ZC3HAV1: variants seen among roughly 807,000 people sequenced by gnomAD.
ZC3HAV1 encodes zinc finger CCCH-type antiviral protein 1.
ZC3HAV1 carries 41 observed loss-of-function variants against 86.6 expected under a neutral mutation model. The ratio of observed to expected loss-of-function variants is 0.47; its 90% CI spans 0.37 to 0.61. The LOEUF (loss-of-function observed/expected upper bound fraction) is 0.61, where lower values mean the gene tolerates loss of function less well. Among genes scored for constraint, ZC3HAV1 ranks in the 20% least tolerant of loss-of-function variants. ZC3HAV1 has a pLI of 0.00. For synonymous variants in ZC3HAV1, 421 were observed against 432.1 expected, an observed-to-expected ratio of 0.97 and a Z score of 0.32; for missense variants, 964 against 1,141.1, an observed-to-expected ratio of 0.84 and a Z score of 2.24.
chr7:139,087,921 A>G (rs781406483), intron 2 of ZC3HAV1, among the ~76,000 whole-genome samples: 2 of 150,944 alleles, frequency 1.3e-5, no homozygotes, highest in Non-Finnish European at 2.9e-5. Context: ...AGTCCCAGAT[A>G]CTTGGGGGGC....
chr7:139,058,931 G>T (rs1440439525), intron 9 of ZC3HAV1, among the ~76,000 whole-genome samples: 1 of 152,102 alleles, frequency 6.6e-6, no homozygotes, highest in Admixed American at 6.5e-5. Flanking sequence ...GTCTGGAAGG[G>T]CCATAAAGCA....
intron 7 of ZC3HAV1, among the ~76,000 whole-genome samples, chr7:139,071,417 G>A (rs935015340): frequency 1.3e-5 from 2 of 152,118 alleles, no homozygotes; most frequent in Non-Finnish European, 2.9e-5. Context: ...GAACCTTGAT[G>A]TAACTAGAAT....
intron 6 of ZC3HAV1, among the ~76,000 whole-genome samples, chr7:139,075,834 C>T (rs1816925789): frequency 6.6e-6 from 1 of 152,122 alleles, no homozygotes; most frequent in Admixed American, 6.5e-5. Context: ...CAACAAAATT[C>T]TACAGTAAAA....
rs1002637746 is a variant in ZC3HAV1 at position 139,098,112 on chromosome 7, A to T, written c.309-8353T>A. 2.6e-5 allele frequency among the ~76,000 whole-genome samples: 4 copies of T among 151,176 alleles called. No homozygotes were observed. The South Asian group carries it at 8.4e-4, about 32-fold the overall frequency. On this transcript the variant is annotated intron_variant, in intron 1 of 12. Coordinates refer to ENST00000242351, the MANE Select transcript of ZC3HAV1 (RefSeq NM_020119.4). Reference sequence around the variant, plus strand: ...AGTGCACGCCACCATGCCCAGCTAAATTTTTTTTTGTTTTTTTAGTAGAGA... The same window carrying T: ...AGTGCACGCCACCATGCCCAGCTAATTTTTTTTTTGTTTTTTTAGTAGAGA...
intron 11 of ZC3HAV1, 28 bp from the exon 12 acceptor site, chr7:139,053,609 C>G: frequency 6.4e-7 from 1 of 1,551,220 alleles, no homozygotes; most frequent in South Asian, 1.2e-5. Flanking sequence ...AGACTTAACA[C>G]GGAGACATCC....
At chr7:139,085,878 G>C (rs1176222469) in intron 2 of ZC3HAV1, among the ~76,000 whole-genome samples, 1 of 152,076 alleles carries the variant, frequency 6.6e-6, no homozygotes, top group Non-Finnish European at 1.5e-5. Flanking sequence ...TCCGGGTGTG[G>C]TGGTGTATGG....
intron 1 of ZC3HAV1, among the ~76,000 whole-genome samples, chr7:139,098,009 A>G (rs1708708230): frequency 6.6e-6 from 1 of 151,794 alleles, no homozygotes; most frequent in Non-Finnish European, 1.5e-5. Flanking sequence ...CAATGGTGCA[A>G]TCTCGACTTA....
intron 9 of ZC3HAV1, among the ~76,000 whole-genome samples, chr7:139,058,557 A>G (rs1386714438): frequency 1.3e-5 from 2 of 151,740 alleles, no homozygotes; most frequent in African/African-American, 4.8e-5. Context: ...TGCTAGAGAC[A>G]TTTACATAAG....
intron 6 of ZC3HAV1, among the ~76,000 whole-genome samples, chr7:139,074,351 T>C (rs1203320305): frequency 6.6e-6 from 1 of 152,244 alleles, no homozygotes; most frequent in Non-Finnish European, 1.5e-5. Context: ...TGGTCCATTT[T>C]TAAAATTATT....
Position 139,079,599 on chromosome 7 carries a change from T to C in ZC3HAV1, c.1342A>G (p.Lys448Glu). 1.9e-6 allele frequency: 3 copies of C among 1,614,216 alleles called. No individual in the cohort carries two copies. The highest frequency in any genetic ancestry group is 2.5e-6 in the Non-Finnish European group (3 of 1,180,038). The change falls in exon 4 of 13, where the codon AAA becomes GAA. Residue 448 changes from lysine to glutamate, a missense_variant. Transcript: ENST00000242351. ...DITSTRSLNY[K>E]STSSGHREIS... ...TCTCTGTGACCGCTGCTAGTGCTTT[T>C]GTAATTTAAGGATCTGGTAGAAGTT...
chr7:139,109,386 C>T lies in ZC3HAV1; in HGVS notation c.-55G>A. The T allele has an allele frequency of 3.4e-6, 5 of 1,480,532 alleles. No homozygotes were observed. The highest frequency in any genetic ancestry group is 3.6e-6 in the Non-Finnish European group (4 of 1,117,922). 91.7% of individuals were successfully genotyped at this position (1,480,532 alleles called of 1,614,324 possible). A position where few individuals can be genotyped will look rare whatever the true frequency, so the allele number is the denominator to read the frequency against. On this transcript the variant is annotated 5_prime_UTR_variant, in exon 1 of 13. Coordinates refer to ENST00000242351, the MANE Select transcript of ZC3HAV1 (RefSeq NM_020119.4). ...GCGCGGGACTCGGTTCCGCGGAAAT[C>T]GGAAATCGAAACTTACAAGTGTCCA...
intron 9 of ZC3HAV1, among the ~76,000 whole-genome samples, chr7:139,055,857 A>G (rs1816267244): frequency 6.6e-6 from 1 of 152,234 alleles, no homozygotes; most frequent in Admixed American, 6.5e-5. Flanking sequence ...TAATGACATC[A>G]TGGTTCTAAA....
intron 3 of ZC3HAV1, among the ~76,000 whole-genome samples, 162 bp from the exon 4 acceptor site, chr7:139,080,405 G>A (rs1278015716): frequency 2.6e-5 from 4 of 152,214 alleles, no homozygotes; most frequent in South Asian, 4.2e-4. Flanking sequence ...GAAGATGGGT[G>A]GTTTGACACT....
intron 7 of ZC3HAV1, among the ~76,000 whole-genome samples, chr7:139,065,363 C>T (rs1005012385): frequency 2.0e-5 from 3 of 152,226 alleles, no homozygotes; most frequent in African/African-American, 7.2e-5. Flanking sequence ...GAATCTGACA[C>T]TGACTCTTAC....
chr7:139,052,111 TC>T (rs150659323), intron 12 of ZC3HAV1, among the ~76,000 whole-genome samples: 14,203 of 152,062 alleles, frequency 0.093, 1,367 homozygotes, highest in African/African-American at 0.25. Flanking sequence ...TAAATATTTC[TC>T]TTTTTTTCTT....
chr7:139,078,004 C>T (rs547259667), intron 5 of ZC3HAV1, among the ~76,000 whole-genome samples: 9 of 152,144 alleles, frequency 5.9e-5, no homozygotes, highest in South Asian at 2.1e-4. Flanking sequence ...TTTGGAAGGC[C>T]GAGGCGGGTG....
intron 1 of ZC3HAV1, among the ~76,000 whole-genome samples, chr7:139,103,630 G>C (rs1817841713): frequency 1.3e-5 from 2 of 152,052 alleles, no homozygotes; most frequent in Non-Finnish European, 2.9e-5. Context: ...ACTTCCTAAT[G>C]ATCTACCCTG....
chr7:139,064,847 G>A, intron 8 of ZC3HAV1, 32 bp downstream of exon 8: 10 of 1,613,872 alleles, frequency 6.2e-6, no homozygotes, highest in Non-Finnish European at 8.5e-6. Context: ...GGATTTCAAT[G>A]ACACACAACA....
intron 1 of ZC3HAV1, among the ~76,000 whole-genome samples, chr7:139,094,617 GAACA>G (rs1411086195): frequency 1.3e-5 from 2 of 152,094 alleles, no homozygotes; most frequent in Admixed American, 6.5e-5. Context: ...TCCAGCCACA[GAACA>G]AAATGTTATT....
Sources: allele counts gnomAD v4.1 joint callset (sites outside exome capture counted in the v4.1 genomes callset), GRCh38; gene constraint gnomAD v4.1.1; transcripts MANE v1.5; gene names NCBI Gene and HGNC (gene_info 2026-07-23, HGNC 2026-07-21).